Variants in RPN2 observed in about 807,000 individuals in gnomAD.
RPN2 encodes the protein dolichyl-diphosphooligosaccharide--protein glycosyltransferase subunit 2.
RPN2 carries 29 observed loss-of-function variants against 71.4 expected under a neutral mutation model. The ratio of observed to expected loss-of-function variants is 0.41; its 90% CI spans 0.30 to 0.55. RPN2 has a LOEUF of 0.55. RPN2 is among the 20% of genes least tolerant of loss of function. RPN2 has a pLI of 0.35. For missense variants in RPN2, 726 were observed against 774.1 expected (o/e 0.94, Z 0.74); for synonymous variants, 308 against 305.0 (o/e 1.01, Z -0.10).
At chr20:37,213,019 A>G (rs1172112647) in intron 8 of RPN2, among the ~76,000 whole-genome samples, 2 of 152,062 alleles carry the variant, frequency 1.3e-5, no homozygotes, top group African/African-American at 4.8e-5. Context: ...TATTTTTAAT[A>G]AAAGTAAGAT....
chr20:37,186,501 A>T (rs370731659), intron 2 of RPN2, among the ~76,000 whole-genome samples: 1 of 152,176 alleles, frequency 6.6e-6, no homozygotes, highest in Admixed American at 6.6e-5. Flanking sequence ...TTTTGTAGAG[A>T]TGAGGTCTCG....
At chr20:37,240,645 T>C (rs1478717371) in intron 16 of RPN2, among the ~76,000 whole-genome samples, 1 of 152,204 alleles carries the variant, frequency 6.6e-6, no homozygotes, top group Non-Finnish European at 1.5e-5. Context: ...TTTTCATTCA[T>C]TGTGCTTCCC....
chr20:37,199,041 C>A lies in RPN2; in HGVS notation c.304-9C>A. The A allele has an allele frequency of 6.2e-7, 1 of 1,610,672 alleles. No homozygotes were observed. The highest frequency in any genetic ancestry group is 8.5e-7 in the Non-Finnish European group (1 of 1,177,046). Reference sequence around the variant, plus strand: ...TTCTAAAACTCTGTGTCTGCCAATTCTTTCTTAGATCTCTATTTCAAATGA... The same window carrying A: ...TTCTAAAACTCTGTGTCTGCCAATTATTTCTTAGATCTCTATTTCAAATGA... On this transcript the variant is annotated splice_polypyrimidine_tract_variant and intron_variant, in intron 3 of 16. Coordinates refer to ENST00000237530, the MANE Select transcript of RPN2 (RefSeq NM_002951.5).
intron 16 of RPN2, among the ~76,000 whole-genome samples, chr20:37,239,776 C>T (rs2068504093): frequency 6.6e-6 from 1 of 152,160 alleles, no homozygotes; most frequent in Non-Finnish European, 1.5e-5. Context: ...GAGTCCGACC[C>T]TTCTCCCACC....
Position 37,220,325 on chromosome 20 carries a change from C to T in RPN2, c.1093-3553C>T, listed in dbSNP as rs545290789. Among the ~76,000 whole-genome samples the T allele has an allele frequency of 2.0e-5, 3 of 152,168 alleles. 1 individual carries two copies. Among genetic ancestry groups the T allele is most frequent in the African/African-American group, 7.2e-5 (3 of 41,508 alleles). On this transcript the variant is annotated intron_variant, in intron 9 of 16. Coordinates refer to ENST00000237530, the MANE Select transcript of RPN2 (RefSeq NM_002951.5). ...AGGTCATTGGGTCCTGTTTGTCCTC[C>T]CAAGAAATGCTCGACATTGGTCAGA...
intron 9 of RPN2, among the ~76,000 whole-genome samples, chr20:37,221,768 T>C (rs1046731884): frequency 1.3e-5 from 2 of 152,228 alleles, no homozygotes; most frequent in African/African-American, 4.8e-5. Context: ...TCTCCCAAAA[T>C]TGGAGGGCTG....
At chr20:37,185,017 A>C (rs1334191463) in intron 2 of RPN2, among the ~76,000 whole-genome samples, 1 of 152,184 alleles carries the variant, frequency 6.6e-6, no homozygotes, top group African/African-American at 2.4e-5. Flanking sequence ...AAGGGAATTC[A>C]AGGTGGAAGG....
At chr20:37,195,091 C>T (rs975361028) in intron 2 of RPN2, among the ~76,000 whole-genome samples, 4 of 151,894 alleles carry the variant, frequency 2.6e-5, no homozygotes, top group African/African-American at 9.7e-5. Flanking sequence ...GCAAGCAGAT[C>T]GGGGGTGGAC....
chr20:37,200,087 C>T (rs1185869533), intron 4 of RPN2, among the ~76,000 whole-genome samples: 4 of 152,052 alleles, frequency 2.6e-5, no homozygotes, highest in African/African-American at 9.7e-5. Context: ...CTCCGCCTCC[C>T]GGGTTCAAGC....
chr20:37,196,209 G>A (rs1186668819), intron 2 of RPN2, among the ~76,000 whole-genome samples: 2 of 150,194 alleles, frequency 1.3e-5, no homozygotes, highest in East Asian at 2.0e-4. Context: ...ACAGGTGAGC[G>A]CCACCGTGCC....
chr20:37,238,548 C>A, intron 16 of RPN2: 1 of 841,060 alleles, frequency 1.2e-6, no homozygotes, highest in Non-Finnish European at 2.0e-6. Flanking sequence ...AGCCCACTTG[C>A]TCCTCCCACC....
At chr20:37,186,945 C>T (rs1490998571) in intron 2 of RPN2, among the ~76,000 whole-genome samples, 9 of 152,132 alleles carry the variant, frequency 5.9e-5, no homozygotes, top group Non-Finnish European at 1.2e-4. Context: ...GCTCTTGAGG[C>T]TAAATTATAT....
chr20:37,190,836 A>G (rs1319438879), intron 2 of RPN2, among the ~76,000 whole-genome samples: 1 of 152,122 alleles, frequency 6.6e-6, no homozygotes, highest in African/African-American at 2.4e-5. Context: ...TGTGTGCATT[A>G]TAAGTAATGG....
At chr20:37,204,682 T>C in intron 5 of RPN2, 85 bp from the exon 6 acceptor site, 12 of 1,405,204 alleles carry the variant, frequency 8.5e-6, no homozygotes, top group Non-Finnish European at 1.2e-5. Context: ...GTCACGAAGC[T>C]GTCTGCAGTG....
At position 37,228,693 on chromosome 20, in the gene RPN2, C is replaced by A. The variant is rs1297106159; in HGVS notation, c.1443C>A (p.Leu481=). The change falls in exon 12 of 17, where the codon CTC becomes CTA. Residue 481 remains leucine (L), a synonymous_variant. Transcript: ENST00000237530. ...ACTCTGCCTCTGGCACCTACACTCT[C>A]TACTTAATCATTGGAGATGCCACTT... The part of the protein sequence containing the change: ...EFDSASGTYT[L]YLIIGDATLK... The A allele has an allele frequency of 6.2e-7, 1 of 1,614,244 alleles. No individual in the cohort carries two copies. The highest frequency in any genetic ancestry group is 8.5e-7 in the Non-Finnish European group (1 of 1,180,034).
intron 2 of RPN2, among the ~76,000 whole-genome samples, chr20:37,191,662 T>G (rs935828456): frequency 3.9e-5 from 6 of 152,090 alleles, no homozygotes; most frequent in Non-Finnish European, 8.8e-5. Flanking sequence ...CAGCTACTTT[T>G]TTTTTTTTTG....
chr20:37,240,426 T>C (rs924996255), intron 16 of RPN2, among the ~76,000 whole-genome samples: 4 of 152,224 alleles, frequency 2.6e-5, no homozygotes, highest in Non-Finnish European at 5.9e-5. Flanking sequence ...TGCCTGTGCA[T>C]GTCTTTTGGA....
chr20:37,193,704 A>G (rs983134152), intron 2 of RPN2, among the ~76,000 whole-genome samples: 2 of 152,208 alleles, frequency 1.3e-5, no homozygotes, highest in African/African-American at 4.8e-5. Context: ...TAGTTGGGCC[A>G]TTCCATGAGA....
intron 14 of RPN2, among the ~76,000 whole-genome samples, chr20:37,233,345 T>C (rs2068300376): frequency 6.6e-6 from 1 of 152,246 alleles, no homozygotes; most frequent in African/African-American, 2.4e-5. Context: ...AATTTTTTTT[T>C]TTAGCCAATT....
Sources: allele counts gnomAD v4.1 joint callset (sites outside exome capture counted in the v4.1 genomes callset), GRCh38; gene constraint gnomAD v4.1.1; transcripts MANE v1.5; gene names NCBI Gene and HGNC (gene_info 2026-07-23, HGNC 2026-07-21).